Variants in SZT2 observed in about 807,000 individuals in gnomAD.
SZT2 encodes KICSTOR complex protein SZT2.
In SZT2, 216 loss-of-function variants were observed where a neutral mutation model predicts 404.2. The ratio of observed to expected loss-of-function variants is 0.53; its 90% confidence interval spans 0.48 to 0.60. The LOEUF (loss-of-function observed/expected upper bound fraction) is 0.60. Among genes scored for constraint, SZT2 ranks in the 20% least tolerant of loss-of-function variants. SZT2 has a pLI of 0.00. For missense variants in SZT2, 3,857 were observed against 4,459.2 expected (o/e 0.86, Z 3.85); for synonymous variants, 1,693 against 1,749.9 (o/e 0.97, Z 0.81).
chr1:43,428,572 G>T lies in SZT2; in HGVS notation c.4166+86G>T. 3 of 1,525,120 alleles carry T rather than the reference G, an allele frequency of 2.0e-6. 1 individual carries two copies. The South Asian group carries it at 3.7e-5, about 19-fold the overall frequency. 94.5% of individuals were successfully genotyped at this position (1,525,120 alleles called of 1,614,324 possible). On this transcript the variant is annotated intron_variant, in intron 28 of 71. Transcript: ENST00000634258. Reference sequence around the variant, plus strand: ...GACCTTCCAGTCCAGGGGAATGACTGTGCAAGGTAGTATCTAAGCACCTGA... The same window carrying T: ...GACCTTCCAGTCCAGGGGAATGACTTTGCAAGGTAGTATCTAAGCACCTGA...
chr1:43,398,389 G>T (rs2153928427), intron 1 of SZT2, among the ~76,000 whole-genome samples: 2 of 152,294 alleles, frequency 1.3e-5, no homozygotes, highest in South Asian at 4.1e-4. Context: ...ATAAACAAAT[G>T]ACTGCTGAAT....
rs758792483 is a variant in SZT2 at position 43,430,329 on chromosome 1, A to G, written c.4420A>G (p.Thr1474Ala). The change falls in exon 31 of 72, where the codon ACA becomes GCA. Residue 1474 changes from threonine to alanine, a missense_variant. Around this residue, in one of 7 missense-constraint regions of SZT2, gnomAD observed 1,725 missense variants for 1,881.0 expected, o/e 0.92. Transcript: ENST00000634258. ...SRREDEGPRD[T>A]VDRKISDLEF... ...TGCCTAGGATGAGGGGCCTCGGGAC[A>G]CAGTAGACAGAAAAATCAGTGACCT... 2 of 1,612,762 alleles carry G rather than the reference A, an allele frequency of 1.2e-6. No individual in the cohort carries two copies. Among genetic ancestry groups the G allele is most frequent in the Non-Finnish European group, 1.7e-6 (2 of 1,179,670 alleles).
In SZT2 at chr1:43,419,440, T is replaced by C. The variant is rs377391138; in HGVS notation, c.880-294T>C. Among the ~76,000 whole-genome samples, 43 of 152,330 alleles carry C rather than the reference T, an allele frequency of 2.8e-4. 4 individuals carry two copies. The highest frequency in any genetic ancestry group is 1.6e-3 in the Admixed American group (24 of 15,302). ...GGTAAGCTGAAGTCTCTCAGGATGATGACAGGAAGTCAGTGAACCAGTTGC... is the reference window on the plus strand; with the variant it reads ...GGTAAGCTGAAGTCTCTCAGGATGACGACAGGAAGTCAGTGAACCAGTTGC... On this transcript the variant is annotated intron_variant, in intron 7 of 71. Coordinates refer to ENST00000634258, the MANE Select transcript of SZT2 (RefSeq NM_001365999.1).
Position 43,431,020 on chromosome 1 carries a change from C to G in SZT2, c.4846C>G (p.Leu1616Val). 1 of 1,614,210 alleles carries G rather than the reference C, an allele frequency of 6.2e-7. No homozygotes were observed. The highest frequency in any genetic ancestry group is 8.5e-7 in the Non-Finnish European group (1 of 1,180,036). ...TCCCTTGAGGGACCTCAGTGTGACT[C>G]TGGATGTCTTCATGCTGACTTTGCC... ...RVPLRDLSVT[L>V]DVFMLTLPLE... Residue 1616 changes from leucine to valine, a missense_variant, in exon 33 of 72, where the codon CTG becomes GTG. By Grantham distance (32) the Leu-to-Val change is conservative (BLOSUM62 1). Transcript: ENST00000634258.
Position 43,425,940 on chromosome 1 carries a change from G to T in SZT2, c.2920G>T (p.Val974Phe), listed in dbSNP as rs779710091. Residue 974 changes from valine (V) to phenylalanine (F), a missense_variant, in exon 20 of 72, where the codon GTC becomes TTC. By Grantham distance (50) the Val-to-Phe change is conservative. This residue lies in a region of SZT2 where 1,725 missense variants were observed against 1,881.0 expected (regional missense o/e 0.92). Coordinates refer to ENST00000634258, the MANE Select transcript of SZT2 (RefSeq NM_001365999.1). The surrounding 1 kb of genome is among the most constrained non-coding windows in gnomAD (Gnocchi z 4.3). ...GGGTCCTCTGCCCCCAGAGCCGAGG[G>T]TCTCTGATGGTGAGTGGGGCAGGCG... ...EWGPLPPEPR[V>F]SDGLDQGGDT... 1.4e-5 allele frequency: 22 copies of T among 1,614,008 alleles called. No individual in the cohort carries two copies. The highest frequency in any genetic ancestry group is 5.5e-5 in the South Asian group (5 of 91,088).
rs765576709 is a variant in SZT2 at position 43,431,536 on chromosome 1, C to T, written c.5088+13C>T. The T allele has an allele frequency of 8.1e-6, 13 of 1,613,904 alleles. No homozygotes were observed. The African/African-American group carries it at 1.3e-4, about 17-fold the overall frequency. ...CACCATGAATGAGGTGAGCCCCCCACCCCCAACACTGTAACTGATTCCCTT... is the reference window on the plus strand; with the variant it reads ...CACCATGAATGAGGTGAGCCCCCCATCCCCAACACTGTAACTGATTCCCTT... On this transcript the variant is annotated intron_variant, in intron 35 of 71. Coordinates refer to ENST00000634258, the MANE Select transcript of SZT2 (RefSeq NM_001365999.1).
rs1267300932 is a variant in SZT2, at chr1:43,431,572, G to C, written c.5088+49G>C. Reference sequence around the variant, plus strand: ...GTAACTGATTCCCTTTCCATCGTATGAGTGAGATAAGGTACCCCCTTTGTT... The same window carrying C: ...GTAACTGATTCCCTTTCCATCGTATCAGTGAGATAAGGTACCCCCTTTGTT... On this transcript the variant is annotated intron_variant, in intron 35 of 71. Transcript: ENST00000634258. 5 of 1,611,274 alleles carry C rather than the reference G, an allele frequency of 3.1e-6. No homozygotes were observed. In the South Asian group the frequency reaches 5.5e-5, roughly 18 times the overall value.
In SZT2 at chr1:43,442,792, A is replaced by G. The variant is rs762791501; in HGVS notation, c.8152-27A>G. On this transcript the variant is annotated intron_variant, in intron 58 of 71. Transcript: ENST00000634258. The surrounding 1 kb of genome is among the most constrained non-coding windows in gnomAD (Gnocchi z 4.5). The stretch of plus-strand genomic sequence containing the variant: ...AGAGGGTCCGAGGGCAAAGGCTATG[A>G]ACCCATTGCAATGCTCCATCTCTCA... 1.3e-6 allele frequency: 2 copies of G among 1,576,766 alleles called. No homozygotes were observed. Among genetic ancestry groups the G allele is most frequent in the South Asian group, 2.4e-5 (2 of 83,816 alleles).
chr1:43,433,956 C>T (rs2842179), intron 40 of SZT2, among the ~76,000 whole-genome samples: 53,425 of 152,052 alleles, frequency 0.35, 9,860 homozygotes, highest in Middle Eastern at 0.44. Flanking sequence ...CCCAAGGCCA[C>T]AGTAAGTGAC....
chr1:43,416,365 G>A (rs1259592386), intron 6 of SZT2, among the ~76,000 whole-genome samples, 170 bp from the exon 7 acceptor site: 1 of 152,168 alleles, frequency 6.6e-6, no homozygotes, highest in Non-Finnish European at 1.5e-5. Flanking sequence ...AGAAGCAGGA[G>A]GGTAAGGGAG....
chr1:43,391,624 C>T (rs1648327528), intron 1 of SZT2, among the ~76,000 whole-genome samples: 1 of 152,030 alleles, frequency 6.6e-6, no homozygotes, highest in African/African-American at 2.4e-5. Context: ...AACTATGAAA[C>T]AGTTTAGAGG....
chr1:43,389,982 G>A lies in SZT2; in HGVS notation c.14G>A (p.Arg5His). 2 of 1,397,204 alleles carry A rather than the reference G, an allele frequency of 1.4e-6. No individual in the cohort carries two copies. The highest frequency in any genetic ancestry group is 1.5e-5 in the South Asian group (1 of 65,538). The allele number at this position is 1,397,204 out of a possible 1,614,324, so 86.6% of individuals were successfully genotyped here. The change falls in exon 1 of 72, where the codon CGC (arginine) becomes CAC (histidine). Residue 5 changes from arginine (R) to histidine (H), a missense_variant. Around this residue, in one of 7 missense-constraint regions of SZT2, gnomAD observed 536 missense variants for 637.4 expected, o/e 0.84. Coordinates refer to ENST00000634258, the MANE Select transcript of SZT2 (RefSeq NM_001365999.1). ...GAGGGCTGTGTGATGGCCTCGGAGC[G>A]CCCGGAGCCGGAGGTGAGGGGCGGG... Reference protein sequence around the residue: MASERPEPEVEEAGQ... With the variant: MASEHPEPEVEEAGQ...
chr1:43,435,683 C>A, intron 42 of SZT2: 1 of 190,698 alleles, frequency 5.2e-6, no homozygotes, highest in Non-Finnish European at 1.1e-5. Context: ...AAGATGGGGG[C>A]AAGGAAGGAG....
chr1:43,439,278 A>G lies in SZT2; in HGVS notation c.6793-80A>G. On this transcript the variant is annotated intron_variant, in intron 48 of 71. Coordinates refer to ENST00000634258, the MANE Select transcript of SZT2 (RefSeq NM_001365999.1). This position sits in a 1 kb window ranked among gnomAD's most constrained non-coding sequence, Gnocchi z 4.2. ...ATGCTCCCATATCTACCTGCACCACATTCCCCACTGTGGGCACCCATCCCC... is the reference window on the plus strand; with the variant it reads ...ATGCTCCCATATCTACCTGCACCACGTTCCCCACTGTGGGCACCCATCCCC... 1 of 1,554,534 alleles carries G rather than the reference A, an allele frequency of 6.4e-7. No individual in the cohort carries two copies. Among genetic ancestry groups the G allele is most frequent in the Non-Finnish European group, 8.9e-7 (1 of 1,127,800 alleles).
At position 43,452,364 on chromosome 1, in the gene SZT2, C is replaced by T. The variant is rs1656536143; in HGVS notation, c.*1884C>T. The T allele has an allele frequency of 6.8e-7, 1 of 1,460,726 alleles. No individual in the cohort carries two copies. Among genetic ancestry groups the T allele is most frequent in the Non-Finnish European group, 9.5e-7 (1 of 1,048,428 alleles). 90.5% of individuals were successfully genotyped at this position (1,460,726 alleles called of 1,614,324 possible). On this transcript the variant is annotated 3_prime_UTR_variant, in exon 72 of 72. Coordinates refer to ENST00000634258, the MANE Select transcript of SZT2 (RefSeq NM_001365999.1). The stretch of plus-strand genomic sequence containing the variant: ...GAGGCCTTGCCTCCCTTGGCTCTCT[C>T]TGCACCTCTTCCAGGATTCCCTGAC...
chr1:43,448,421 A>G lies in SZT2; in HGVS notation c.9906A>G (p.Ala3302=). 1 of 1,596,642 alleles carries G rather than the reference A, an allele frequency of 6.3e-7. No homozygotes were observed. Among genetic ancestry groups the G allele is most frequent in the Non-Finnish European group, 8.5e-7 (1 of 1,171,808 alleles). ...GGCTAGGGGGGCGCCTGGCCCTGGC[A>G]GAGCTGGAGGAACTCCTAGAAGCAG... The part of the protein sequence containing the change: ...RLRLGGRLAL[A]ELEELLEAVH... Residue 3302 remains alanine, a synonymous_variant, in exon 69 of 72, where the codon GCA becomes GCG. Transcript: ENST00000634258. The surrounding 1 kb of genome is among the most constrained non-coding windows in gnomAD (Gnocchi z 4.2).
chr1:43,447,156 C>A lies in SZT2; in HGVS notation c.9274C>A (p.His3092Asn). 1 of 1,612,008 alleles carries A rather than the reference C, an allele frequency of 6.2e-7. No individual in the cohort carries two copies. Among genetic ancestry groups the A allele is most frequent in the South Asian group, 1.1e-5 (1 of 90,790 alleles). ...TGACGGACCCCACTTTGGCCGCAAT[C>A]ACATTTACCAAGGTCAGTGCCCAAG... ...HPDGPHFGRN[H>N]IYQGTLELPT... The change falls in exon 66 of 72, where the codon CAC (histidine) becomes AAC (asparagine). Residue 3092 changes from histidine to asparagine, a missense_variant. Around this residue, in one of 7 missense-constraint regions of SZT2, gnomAD observed 717 missense variants for 868.2 expected, o/e 0.83. Transcript: ENST00000634258.
chr1:43,431,152 A>T, intron 33 of SZT2, 62 bp downstream of exon 33: 1 of 1,588,256 alleles, frequency 6.3e-7, no homozygotes, highest in Non-Finnish European at 8.6e-7. Flanking sequence ...CCACTAAGCG[A>T]ATCTAGAGCA....
rs759279539 is a variant in SZT2, at chr1:43,426,447, G to A, written c.3123G>A (p.Gly1041=). The change falls in exon 22 of 72, where the codon GGG becomes GGA. Residue 1041 remains glycine (G), a synonymous_variant. Coordinates refer to ENST00000634258, the MANE Select transcript of SZT2 (RefSeq NM_001365999.1). This position sits in a 1 kb window ranked among gnomAD's most constrained non-coding sequence, Gnocchi z 4.9. ...MVLCLLHSCL[G]QELSDREIPL... ...TGTGCCTGCTGCACAGCTGCCTGGG[G>A]CAGGAGCTGAGTGACCGGGAGATCC... The A allele has an allele frequency of 5.0e-6, 8 of 1,596,998 alleles. No homozygotes were observed. In the East Asian group the frequency reaches 1.8e-4, roughly 36 times the overall value.
Sources: allele counts gnomAD v4.1 joint callset (sites outside exome capture counted in the v4.1 genomes callset), GRCh38; gene constraint gnomAD v4.1.1; regional missense constraint gnomAD v4.1.1; non-coding constraint Gnocchi (gnomAD v3.1); transcripts MANE v1.5; gene names NCBI Gene and HGNC (gene_info 2026-07-23, HGNC 2026-07-21).